Variants in TRANK1 observed in about 807,000 individuals in gnomAD.
The protein encoded by TRANK1 is TPR and ankyrin repeat-containing protein 1.
TRANK1 carries 198 observed loss-of-function variants against 266.0 expected under a neutral mutation model. The observed-to-expected ratio is 0.74, with a 90% CI of 0.66 to 0.84. TRANK1 has a LOEUF of 0.84. Among genes scored for constraint, TRANK1 ranks in the 40% least tolerant of loss-of-function variants. The pLI is 0.00. For synonymous variants in TRANK1, 1,396 were observed against 1,384.1 expected (o/e 1.01, Z -0.19); for missense variants, 3,326 against 3,634.6 (o/e 0.92, Z 2.18).
intron 1 of TRANK1, among the ~76,000 whole-genome samples, chr3:36,920,057 C>T (rs1301817046): frequency 1.3e-5 from 2 of 152,152 alleles, no homozygotes; most frequent in African/African-American, 4.8e-5. Flanking sequence ...CCATCATTCT[C>T]CTATGCGGTA....
chr3:36,859,211 C>T (rs1315748712), intron 11 of TRANK1, among the ~76,000 whole-genome samples: 1 of 152,094 alleles, frequency 6.6e-6, no homozygotes, highest in African/African-American at 2.4e-5. Flanking sequence ...AACCCTAACA[C>T]CCACCTAACA....
chr3:36,833,296 C>G lies in TRANK1; in HGVS notation c.6287G>C (p.Arg2096Thr). ...GGLEILLSLV[R>T]ALKRVTNNAE... ...ATTGTTGGTCACTCTTTTGAGAGCC[C>G]TGACCAGACTGAGGAGGATTTCCAA... Residue 2096 changes from arginine to threonine, a missense_variant, in exon 22 of 24, where the codon AGG (arginine) becomes ACG (threonine). By Grantham distance (71) the Arg-to-Thr change is moderately conservative (BLOSUM62 -1). Coordinates refer to ENST00000645898, the MANE Select transcript of TRANK1 (RefSeq NM_001329998.2). 1 of 1,614,008 alleles carries G rather than the reference C, an allele frequency of 6.2e-7. No homozygotes were observed. The highest frequency in any genetic ancestry group is 8.5e-7 in the Non-Finnish European group (1 of 1,179,898).
intron 8 of TRANK1, among the ~76,000 whole-genome samples, chr3:36,875,297 G>A (rs1261462775): frequency 6.6e-6 from 1 of 152,206 alleles, no homozygotes; most frequent in African/African-American, 2.4e-5. Context: ...GTATGAGAGG[G>A]ATTTGATGCA....
At chr3:36,887,948 T>G (rs1448638117) in intron 8 of TRANK1, among the ~76,000 whole-genome samples, 1 of 152,198 alleles carries the variant, frequency 6.6e-6, no homozygotes, top group African/African-American at 2.4e-5. Context: ...AGTCTGGCAG[T>G]TCCTCAAAAG....
At chr3:36,873,523 A>G (rs899733064) in intron 9 of TRANK1, among the ~76,000 whole-genome samples, 4 of 152,248 alleles carry the variant, frequency 2.6e-5, no homozygotes, top group Non-Finnish European at 5.9e-5. Context: ...TAACATTTAC[A>G]TAATTATACT....
chr3:36,874,271 G>C lies in TRANK1; in HGVS notation c.933C>G (p.Leu311=). 6.5e-7 allele frequency: 1 copy of C among 1,537,120 alleles called. No homozygotes were observed. The highest frequency in any genetic ancestry group is 8.7e-7 in the Non-Finnish European group (1 of 1,146,862). The part of the protein sequence containing the change: ...VKRQTEDVQM[L]LRFGADPTLL... Reference sequence around the variant, plus strand: ...AAGTGGGATCTGCCCCAAAGCGCAGGAGCATCTGCACATCCTCTGTTTGTC... The same window carrying C: ...AAGTGGGATCTGCCCCAAAGCGCAGCAGCATCTGCACATCCTCTGTTTGTC... The change falls in exon 9 of 24, where the codon CTC becomes CTG. Residue 311 remains leucine, a synonymous_variant. Coordinates refer to ENST00000645898, the MANE Select transcript of TRANK1 (RefSeq NM_001329998.2).
chr3:36,858,853 C>A lies in TRANK1; in HGVS notation c.1537G>T (p.Val513Phe), dbSNP rs2079095140. 1 of 1,537,040 alleles carries A rather than the reference C, an allele frequency of 6.5e-7. No individual in the cohort carries two copies. Among genetic ancestry groups the A allele is most frequent in the South Asian group, 1.2e-5 (1 of 84,038 alleles). ...GLQESQERPVVTCLKHEDFEL... is the reference protein window; with the variant it reads ...GLQESQERPVFTCLKHEDFEL... ...AAGTCCTCATGTTTCAGGCACGTGA[C>A]AACTGGCCTCTCCTGGCTCTCCTGA... The change falls in exon 12 of 24, where the codon GTC becomes TTC. Residue 513 changes from valine to phenylalanine, a missense_variant. Physicochemically the swap from Val to Phe is conservative, Grantham distance 50. Transcript: ENST00000645898.
At chr3:36,877,600 A>G (rs933170661) in intron 8 of TRANK1, among the ~76,000 whole-genome samples, 2 of 152,238 alleles carry the variant, frequency 1.3e-5, no homozygotes, top group African/African-American at 2.4e-5. Context: ...TGAAACTGCC[A>G]TGCAGATACT....
rs372710607 is a variant in TRANK1 at position 36,855,304 on chromosome 3, C to T, written c.4418G>A (p.Gly1473Asp). 3.1e-6 allele frequency: 5 copies of T among 1,613,942 alleles called. No individual in the cohort carries two copies. The highest frequency in any genetic ancestry group is 4.2e-6 in the Non-Finnish European group (5 of 1,179,918). Residue 1473 changes from glycine to aspartate, a missense_variant, in exon 13 of 24, where the codon GGC becomes GAC. By Grantham distance (94) the Gly-to-Asp change is moderately conservative. Coordinates refer to ENST00000645898, the MANE Select transcript of TRANK1 (RefSeq NM_001329998.2). The stretch of plus-strand genomic sequence containing the variant: ...CAGATCGCTGAAGCGGAAGGCCACG[C>T]CCTTCATGATGCTCTGGGCCGTGTC... Reference protein sequence around the residue: ...TGDTAQSIMKGVAFRFSDLRS... With the variant: ...TGDTAQSIMKDVAFRFSDLRS...
intron 1 of TRANK1, among the ~76,000 whole-genome samples, chr3:36,941,460 G>C (rs2125673929): frequency 6.6e-6 from 1 of 152,338 alleles, no homozygotes; most frequent in South Asian, 2.1e-4. Context: ...CAGGTAAACG[G>C]AGTCCAGGGT....
intron 1 of TRANK1, among the ~76,000 whole-genome samples, chr3:36,917,063 A>G (rs2080136918): frequency 6.6e-6 from 1 of 151,982 alleles, no homozygotes; most frequent in Non-Finnish European, 1.5e-5. Context: ...TGACCTGTCC[A>G]CCTCAGCCTC....
At chr3:36,864,064 G>A (rs1426814157) in intron 10 of TRANK1, among the ~76,000 whole-genome samples, 2 of 152,136 alleles carry the variant, frequency 1.3e-5, no homozygotes, top group African/African-American at 4.8e-5. Context: ...TTAAATGACT[G>A]TATATGCAAA....
In TRANK1 at chr3:36,838,613, T is replaced by C. The variant is rs376893122; in HGVS notation, c.5384A>G (p.Lys1795Arg). The C allele has an allele frequency of 4.5e-5, 72 of 1,613,872 alleles. No individual in the cohort carries two copies. Among genetic ancestry groups the C allele is most frequent in the African/African-American group, 1.3e-5 (1 of 74,958 alleles). The change falls in exon 19 of 24, where the codon AAG (lysine) becomes AGG (arginine). Residue 1795 changes from lysine (K) to arginine (R), a missense_variant and splice_region_variant. By Grantham distance (26) the Lys-to-Arg change is conservative. Transcript: ENST00000645898. Reference protein sequence around the residue: ...LSMKSKKVSPKEKQLEYLELA... With the variant: ...LSMKSKKVSPREKQLEYLELA... ...CCAGAAGTGATCCCAAGACTCTTACTTGGGGCTGACTTTCTTGGATTTCAT... is the reference window on the plus strand; with the variant it reads ...CCAGAAGTGATCCCAAGACTCTTACCTGGGGCTGACTTTCTTGGATTTCAT...
intron 9 of TRANK1, among the ~76,000 whole-genome samples, chr3:36,869,478 G>T (rs1425137499): frequency 2.0e-5 from 3 of 152,176 alleles, no homozygotes; most frequent in Non-Finnish European, 2.9e-5. Flanking sequence ...ATGTTATTGT[G>T]CTCAGGACCA....
chr3:36,930,991 A>G (rs1400566442), intron 1 of TRANK1, among the ~76,000 whole-genome samples: 5 of 152,330 alleles, frequency 3.3e-5, no homozygotes, highest in African/African-American at 1.2e-4. Flanking sequence ...AAATATAGGT[A>G]CAGATTTTAG....
chr3:36,935,329 T>C (rs746434760), intron 1 of TRANK1, among the ~76,000 whole-genome samples: 1 of 152,180 alleles, frequency 6.6e-6, no homozygotes, highest in Non-Finnish European at 1.5e-5. Flanking sequence ...GATTTACTCG[T>C]TCTTTTGCCA....
rs1184016759 is a variant in TRANK1, at chr3:36,842,632, T to C, written c.5270A>G (p.Gln1757Arg). Residue 1757 changes from glutamine (Q) to arginine (R), a missense_variant, in exon 18 of 24, where the codon CAG becomes CGG. By Grantham distance (43) the Gln-to-Arg change is conservative. Coordinates refer to ENST00000645898, the MANE Select transcript of TRANK1 (RefSeq NM_001329998.2). ...AGTCCAACCCCTTACCTTCCAGCAC[T>C]GGTGCTTGGCGTAGTAATCTCCCTG... The part of the protein sequence containing the change: ...IAQGDYYAKH[Q>R]CWKVAAKCYQ... The C allele has an allele frequency of 6.2e-7, 1 of 1,613,898 alleles. No homozygotes were observed. The highest frequency in any genetic ancestry group is 2.2e-5 in the East Asian group (1 of 44,890).
At chr3:36,912,405 C>G (rs1046124064) in intron 1 of TRANK1, among the ~76,000 whole-genome samples, 6 of 152,200 alleles carry the variant, frequency 3.9e-5, no homozygotes, top group Non-Finnish European at 5.9e-5. Context: ...AGTAAAATCA[C>G]TAGGGTATCT....
At chr3:36,838,289 A>G in intron 20 of TRANK1, 83 bp downstream of exon 20, 1 of 1,546,786 alleles carries the variant, frequency 6.5e-7, no homozygotes. Flanking sequence ...TCTTCCTGCT[A>G]TGAGTAGAGG....
Sources: allele counts gnomAD v4.1 joint callset (sites outside exome capture counted in the v4.1 genomes callset), GRCh38; gene constraint gnomAD v4.1.1; transcripts MANE v1.5; gene names NCBI Gene and HGNC (gene_info 2026-07-23, HGNC 2026-07-21).